Variants in RNPEPL1 observed in about 807,000 individuals in gnomAD.
The protein encoded by RNPEPL1 is arginyl aminopeptidase like 1, also known as aminopeptidase RNPEPL1.
RNPEPL1 carries 46 observed loss-of-function variants against 69.0 expected under a neutral mutation model. The ratio of observed to expected loss-of-function variants is 0.67; its 90% CI spans 0.53 to 0.85. The LOEUF (loss-of-function observed/expected upper bound fraction) is 0.85. Among genes scored for constraint, RNPEPL1 ranks in the 40% least tolerant of loss-of-function variants. The probability of loss-of-function intolerance (pLI) is 0.00; values close to 1 mark genes in which losing one functional copy is unlikely to be tolerated. For missense variants in RNPEPL1, 869 were observed against 992.5 expected (o/e 0.88, Z 1.67); for synonymous variants, 525 against 454.1 (o/e 1.16, Z -1.98).
rs2093039395 is a variant in RNPEPL1 at position 240,576,910 on chromosome 2, C to T, written c.1804C>T (p.Arg602Cys). The change falls in exon 10 of 11, where the codon CGC (arginine) becomes TGC (cysteine). Residue 602 changes from arginine to cysteine, a missense_variant. Physicochemically the swap from Arg to Cys is radical, Grantham distance 180 (BLOSUM62 -3). Around this residue, in one of 2 missense-constraint regions of RNPEPL1, gnomAD observed 610 missense variants for 790.9 expected, o/e 0.77. Coordinates refer to ENST00000270357, the MANE Select transcript of RNPEPL1 (RefSeq NM_018226.6). ...SLLDSMNAEI[R>C]IRWLQIVVRN... Reference sequence around the variant, plus strand: ...GCTGGACTCGATGAACGCTGAGATCCGCATCCGCTGGCTGCAGATTGTGGT... The same window carrying T: ...GCTGGACTCGATGAACGCTGAGATCTGCATCCGCTGGCTGCAGATTGTGGT... 4.3e-6 allele frequency: 7 copies of T among 1,613,356 alleles called. No individual in the cohort carries two copies. Among genetic ancestry groups the T allele is most frequent in the East Asian group, 2.2e-5 (1 of 44,884 alleles).
rs1201642142 is a variant in RNPEPL1 at position 240,569,022 on chromosome 2, G to A, written c.436G>A (p.Gly146Ser). 6.6e-7 allele frequency: 1 copy of A among 1,509,926 alleles called. No individual in the cohort carries two copies. Among genetic ancestry groups the A allele is most frequent in the Non-Finnish European group, 8.8e-7 (1 of 1,136,808 alleles). The allele number at this position is 1,509,926 out of a possible 1,614,324, so 93.5% of individuals were successfully genotyped here. Residue 146 changes from glycine (G) to serine (S), a missense_variant, in exon 1 of 11, where the codon GGC (glycine) becomes AGC (serine). By Grantham distance (56) the Gly-to-Ser change is moderately conservative. Transcript: ENST00000270357. ...AFRVDPFTDY[G>S]SSLTVTLPPE... ...CAGGGTGGACCCGTTCACCGACTACGGCTCCTCGCTCACCGTCACGCTGCC... is the reference window on the plus strand; with the variant it reads ...CAGGGTGGACCCGTTCACCGACTACAGCTCCTCGCTCACCGTCACGCTGCC...
intron 7 of RNPEPL1, 162 bp downstream of exon 7, chr2:240,575,304 T>G (rs924164738): frequency 1.4e-6 from 1 of 729,800 alleles, no homozygotes; most frequent in Admixed American, 2.3e-5. Context: ...GTGCCTGGGT[T>G]GCCACCTCCC....
In RNPEPL1 at chr2:240,573,864, G is replaced by A. The variant is rs779518564; in HGVS notation, c.911G>A (p.Arg304Gln). 1.0e-4 allele frequency: 163 copies of A among 1,567,456 alleles called. No homozygotes were observed. Among genetic ancestry groups the A allele is most frequent in the Non-Finnish European group, 1.3e-4 (152 of 1,156,646 alleles). The change falls in exon 4 of 11, where the codon CGG becomes CAG. Residue 304 changes from arginine to glutamine, a missense_variant. By Grantham distance (43) the Arg-to-Gln change is conservative (BLOSUM62 1). Around this residue, in one of 2 missense-constraint regions of RNPEPL1, gnomAD observed 610 missense variants for 790.9 expected, o/e 0.77. Transcript: ENST00000270357. ...GAGCAGTGGCTGAGTGCAGCTGAGC[G>A]GCTGTATGGGCCCTACATGTGGGGC... ...AVEQWLSAAERLYGPYMWGRY... is the reference protein window; with the variant it reads ...AVEQWLSAAEQLYGPYMWGRY...
At position 240,578,519 on chromosome 2, in the gene RNPEPL1, G is replaced by A. The variant is rs942466473; in HGVS notation, c.*627G>A. Reference sequence around the variant, plus strand: ...CAGGGAGTCCCAGGACCCAGGGAGAGTGTGGGGACAGGACAGCCTGTCTCT... The same window carrying A: ...CAGGGAGTCCCAGGACCCAGGGAGAATGTGGGGACAGGACAGCCTGTCTCT... On this transcript the variant is annotated 3_prime_UTR_variant, in exon 11 of 11. Coordinates refer to ENST00000270357, the MANE Select transcript of RNPEPL1 (RefSeq NM_018226.6). 1.2e-4 allele frequency: 18 copies of A among 152,552 alleles called. No individual in the cohort carries two copies. Among genetic ancestry groups the A allele is most frequent in the Admixed American group, 4.6e-4 (7 of 15,308 alleles). The allele number at this position is 152,552 out of a possible 1,614,324, so 9.4% of individuals were successfully genotyped here. A position where few individuals can be genotyped will look rare whatever the true frequency, so the allele number is the denominator to read the frequency against.
rs780249265 is a variant in RNPEPL1 at position 240,575,629 on chromosome 2, C to T, written c.1510+19C>T. ...CGGGCAGGTGAGGCTGACCCCCAAC[C>T]CTGCAGCCAGGGAGCCGTGGGTATG... is the stretch of plus-strand genomic sequence containing the variant. On this transcript the variant is annotated intron_variant, in intron 8 of 10. Transcript: ENST00000270357. 29 of 1,603,152 alleles carry T rather than the reference C, an allele frequency of 1.8e-5. No homozygotes were observed. The highest frequency in any genetic ancestry group is 4.5e-5 in the East Asian group (2 of 44,848).
At chr2:240,575,678 C>G in intron 8 of RNPEPL1, 68 bp downstream of exon 8, 2 of 1,227,598 alleles carry the variant, frequency 1.6e-6, no homozygotes, top group Non-Finnish European at 2.4e-6. Flanking sequence ...CCTCTGCTGC[C>G]TGAGGGGCCA....
chr2:240,569,237 C>G (rs1019920934), intron 1 of RNPEPL1, 123 bp downstream of exon 1: 7 of 1,081,776 alleles, frequency 6.5e-6, no homozygotes, highest in Non-Finnish European at 8.5e-6. Flanking sequence ...CTCCCCCCAC[C>G]CCGGTGATTC....
intron 3 of RNPEPL1, among the ~76,000 whole-genome samples, chr2:240,573,504 C>T (rs900969726): frequency 5.9e-5 from 9 of 152,252 alleles, no homozygotes; most frequent in African/African-American, 2.2e-4. Context: ...GCCAAGGCCC[C>T]CGCACAGCCT....
chr2:240,568,822 CG>C lies in RNPEPL1; in HGVS notation c.237del (p.His80ThrfsTer105). On this transcript the variant is annotated frameshift_variant, in exon 1 of 11. Transcript: ENST00000270357. LOFTEE classifies it high-confidence loss of function. The surrounding 1 kb of genome is among the most constrained non-coding windows in gnomAD (Gnocchi z 6.2). Reference sequence around the variant, plus strand: ...GCGCCCCGCGCGCTCGTGCTCGACGCGCACCCGGCTCTGCGCCTGCACTCAG... The same window carrying C: ...GCGCCCCGCGCGCTCGTGCTCGACGCCACCCGGCTCTGCGCCTGCACTCAG... Reference protein sequence around the residue: ...RPAPRALVLDAHPALRLHSAA... With the variant: ...RPAPRALVLDXHPALRLHSAA... The C allele has an allele frequency of 8.9e-7, 1 of 1,127,200 alleles. No homozygotes were observed. Among genetic ancestry groups the C allele is most frequent in the Non-Finnish European group, 1.1e-6 (1 of 919,046 alleles). 69.8% of individuals were successfully genotyped at this position (1,127,200 alleles called of 1,614,324 possible). A position where few individuals can be genotyped will look rare whatever the true frequency, so the allele number is the denominator to read the frequency against.
intron 8 of RNPEPL1, 127 bp from the exon 9 acceptor site, chr2:240,576,408 C>G (rs186710411): frequency 1.2e-6 from 1 of 830,176 alleles, no homozygotes. Flanking sequence ...CCTTCCTGAA[C>G]AGCCCACGTC....
chr2:240,568,607 C>CCGCCAGG lies in RNPEPL1; in HGVS notation c.26_32dup (p.Glu14ArgfsTer292). ...CGGCCATGGCCGCGCAGTGCTGCTG[C>CCGCCAGG]CGCCAGGCGCCCGGCGCCGAGGCCG... On this transcript the variant is annotated frameshift_variant, in exon 1 of 11. Transcript: ENST00000270357. LOFTEE classifies it high-confidence loss of function. This position sits in a 1 kb window ranked among gnomAD's most constrained non-coding sequence, Gnocchi z 6.2. 1.0e-6 allele frequency: 1 copy of CCGCCAGG among 990,902 alleles called. No individual in the cohort carries two copies. Among genetic ancestry groups the CCGCCAGG allele is most frequent in the Non-Finnish European group, 1.2e-6 (1 of 836,500 alleles). 61.4% of individuals were successfully genotyped at this position (990,902 alleles called of 1,614,324 possible). A position where few individuals can be genotyped will look rare whatever the true frequency, so the allele number is the denominator to read the frequency against.
chr2:240,569,459 T>C (rs1008783093), intron 1 of RNPEPL1, among the ~76,000 whole-genome samples: 3 of 152,150 alleles, frequency 2.0e-5, no homozygotes, highest in Non-Finnish European at 2.9e-5. Context: ...AGGGCCTCCA[T>C]GTGACCAGTG....
intron 9 of RNPEPL1, 35 bp from the exon 10 acceptor site, chr2:240,576,813 A>G (rs757287747): frequency 6.2e-7 from 1 of 1,612,484 alleles, no homozygotes; most frequent in South Asian, 1.1e-5. Context: ...GGGGTGCAAC[A>G]GCGGCCCAGC....
Position 240,568,612 on chromosome 2 carries a change from A to G in RNPEPL1, c.26A>G (p.Gln9Arg). Reference sequence around the variant, plus strand: ...ATGGCCGCGCAGTGCTGCTGCCGCCAGGCGCCCGGCGCCGAGGCCGCGCCC... The same window carrying G: ...ATGGCCGCGCAGTGCTGCTGCCGCCGGGCGCCCGGCGCCGAGGCCGCGCCC... MAAQCCCR[Q>R]APGAEAAPVR... Residue 9 changes from glutamine to arginine, a missense_variant, in exon 1 of 11, where the codon CAG becomes CGG. Coordinates refer to ENST00000270357, the MANE Select transcript of RNPEPL1 (RefSeq NM_018226.6). The surrounding 1 kb of genome is among the most constrained non-coding windows in gnomAD (Gnocchi z 6.2). 1.0e-6 allele frequency: 1 copy of G among 988,532 alleles called. No homozygotes were observed. Among genetic ancestry groups the G allele is most frequent in the Non-Finnish European group, 1.2e-6 (1 of 836,204 alleles). The allele number at this position is 988,532 out of a possible 1,614,324, so 61.2% of individuals were successfully genotyped here.
At chr2:240,569,138 G>T in intron 1 of RNPEPL1, 24 bp downstream of exon 1, 1 of 1,449,142 alleles carries the variant, frequency 6.9e-7, no homozygotes, top group Non-Finnish European at 9.0e-7. Context: ...GGGCGCCGGG[G>T]CTGCGGGCCG....
Position 240,576,726 on chromosome 2 carries a change from TTCCTGGACCGGC to T in RNPEPL1, c.1710_1721del (p.Arg571_Asp574del). On this transcript the variant is annotated inframe_deletion, in exon 9 of 11. Transcript: ENST00000270357. ...GTGGAGGACCTTCCAGACAGCACTC[TTCCTGGACCGGC>T]TCCTGGATGGGTCCCCGCTGCCGCA... is the stretch of plus-strand genomic sequence containing the variant. The T allele has an allele frequency of 6.2e-7, 1 of 1,612,962 alleles. No individual in the cohort carries two copies. The highest frequency in any genetic ancestry group is 8.5e-7 in the Non-Finnish European group (1 of 1,179,950).
chr2:240,577,578 G>T (rs745308286), intron 10 of RNPEPL1, 21 bp from the exon 11 acceptor site: 7 of 1,540,072 alleles, frequency 4.5e-6, no homozygotes, highest in South Asian at 2.5e-5. Context: ...CCACCAGTGT[G>T]ACCGAGTGCC....
Position 240,573,198 on chromosome 2 carries a change from C to A in RNPEPL1, c.758C>A (p.Pro253His). ...EGVFHFHMEH[P>H]VPAYLVALVA... ...GTCTTCCACTTCCACATGGAGCACCCCGTGCCCGCCTACCTCGTGGCCCTG... is the reference window on the plus strand; with the variant it reads ...GTCTTCCACTTCCACATGGAGCACCACGTGCCCGCCTACCTCGTGGCCCTG... Residue 253 changes from proline (P) to histidine (H), a missense_variant, in exon 3 of 11, where the codon CCC becomes CAC. By Grantham distance (77) the Pro-to-His change is moderately conservative. Transcript: ENST00000270357. 1 of 1,591,280 alleles carries A rather than the reference C, an allele frequency of 6.3e-7. No individual in the cohort carries two copies. The highest frequency in any genetic ancestry group is 2.3e-5 in the East Asian group (1 of 43,912).
intron 1 of RNPEPL1, among the ~76,000 whole-genome samples, chr2:240,570,150 G>C (rs1211028777): frequency 1.3e-5 from 2 of 152,238 alleles, no homozygotes; most frequent in Non-Finnish European, 2.9e-5. Context: ...AGAACTGAGG[G>C]ATGGGCTTCT....
Sources: allele counts gnomAD v4.1 joint callset (sites outside exome capture counted in the v4.1 genomes callset), GRCh38; gene constraint gnomAD v4.1.1; regional missense constraint gnomAD v4.1.1; non-coding constraint Gnocchi (gnomAD v3.1); transcripts MANE v1.5; gene names NCBI Gene and HGNC (gene_info 2026-07-23, HGNC 2026-07-21).